Variants in SRGAP1 observed in about 807,000 individuals in gnomAD.
SRGAP1 encodes SLIT-ROBO Rho GTPase-activating protein 1.
In SRGAP1, 43 loss-of-function variants were observed where a neutral mutation model predicts 121.9. That is an observed-to-expected ratio of 0.35 (90% CI 0.28 to 0.46). SRGAP1 has a LOEUF of 0.46. SRGAP1 is among the 20% of genes least tolerant of loss of function. The pLI is 1.00. For synonymous variants in SRGAP1, 447 were observed against 485.4 expected, an observed-to-expected ratio of 0.92 and a Z score of 1.04; for missense variants, 1,102 against 1,350.9, an observed-to-expected ratio of 0.82 and a Z score of 2.89.
chr12:64,000,835 G>T (rs2033870329), intron 3 of SRGAP1, among the ~76,000 whole-genome samples: 1 of 152,160 alleles, frequency 6.6e-6, no homozygotes, highest in Non-Finnish European at 1.5e-5. Context: ...GTTTCTTTGT[G>T]AAGTTAGAAG....
At chr12:63,976,875 TCTC>T (rs760087786) in intron 1 of SRGAP1, among the ~76,000 whole-genome samples, 5 of 152,030 alleles carry the variant, frequency 3.3e-5, no homozygotes, top group Non-Finnish European at 7.4e-5. Flanking sequence ...TGTGACTAGA[TCTC>T]CTACCCATCC....
At chr12:63,867,024 A>G (rs1045852117) in intron 1 of SRGAP1, among the ~76,000 whole-genome samples, 11 of 152,052 alleles carry the variant, frequency 7.2e-5, no homozygotes, top group Admixed American at 2.6e-4. Context: ...GTTCATCACT[A>G]TTCCCAGCTA....
chr12:64,068,484 A>ACG (rs1461391299), intron 8 of SRGAP1, among the ~76,000 whole-genome samples: 9 of 526 alleles, frequency 0.017, no homozygotes, highest in East Asian at 0.056. Flanking sequence ...ACAAGTGTTA[A>ACG]CCACCGTGCC....
intron 1 of SRGAP1, among the ~76,000 whole-genome samples, chr12:63,920,091 G>A (rs567041338): frequency 2.6e-5 from 4 of 152,328 alleles, no homozygotes; most frequent in African/African-American, 7.2e-5. Context: ...GTTTTCCGAA[G>A]GAGCATCACC....
intron 1 of SRGAP1, among the ~76,000 whole-genome samples, chr12:63,975,741 A>G (rs912685357): frequency 1.1e-4 from 16 of 152,172 alleles, no homozygotes; most frequent in African/African-American, 3.9e-4. Context: ...TGTAGCTACA[A>G]ATCAGCTTCT....
At chr12:64,013,231 G>A (rs1369606402) in intron 3 of SRGAP1, among the ~76,000 whole-genome samples, 1 of 152,144 alleles carries the variant, frequency 6.6e-6, no homozygotes, top group Admixed American at 6.5e-5. Context: ...GTAATAAACT[G>A]GAAACATATT....
intron 8 of SRGAP1, among the ~76,000 whole-genome samples, chr12:64,067,690 G>A (rs2035564982): frequency 2.0e-5 from 3 of 152,136 alleles, no homozygotes; most frequent in Admixed American, 2.0e-4. Flanking sequence ...TATATGTCAA[G>A]GTGCTTTGGG....
At chr12:64,004,000 G>T (rs1056575225) in intron 3 of SRGAP1, among the ~76,000 whole-genome samples, 1 of 152,134 alleles carries the variant, frequency 6.6e-6, no homozygotes. Flanking sequence ...AATTCAAATG[G>T]CTGTGAGACT....
In SRGAP1 at chr12:63,844,718, G is replaced by T. The variant is rs1229615955; in HGVS notation, c.-99G>T. On this transcript the variant is annotated 5_prime_UTR_variant, in exon 1 of 22. Coordinates refer to ENST00000355086, the MANE Select transcript of SRGAP1 (RefSeq NM_020762.4). The surrounding 1 kb of genome is among the most constrained non-coding windows in gnomAD (Gnocchi z 4.3). ...CTCGGGTCGGCGCTGCCTCTGGATT[G>T]CCTGCGTGTGGGAGTACAACTCTGC... The T allele has an allele frequency of 8.6e-7, 1 of 1,163,732 alleles. No individual in the cohort carries two copies. Among genetic ancestry groups the T allele is most frequent in the Admixed American group, 1.7e-5 (1 of 59,384 alleles). 72.1% of individuals were successfully genotyped at this position (1,163,732 alleles called of 1,614,324 possible). A position where few individuals can be genotyped will look rare whatever the true frequency, so the allele number is the denominator to read the frequency against.
intron 1 of SRGAP1, among the ~76,000 whole-genome samples, chr12:63,915,495 A>T (rs1169497187): frequency 6.6e-6 from 1 of 152,248 alleles, no homozygotes; most frequent in Non-Finnish European, 1.5e-5. Context: ...GATTGCATTC[A>T]TAGAGAAATA....
chr12:64,009,749 C>T (rs1022249538), intron 3 of SRGAP1, among the ~76,000 whole-genome samples: 9 of 113,756 alleles, frequency 7.9e-5, no homozygotes, highest in Non-Finnish European at 1.5e-4. Context: ...GGAGTTTTGT[C>T]TAAAAAAATC....
In SRGAP1 at chr12:64,111,901, A is replaced by G. The variant is rs2036435409; in HGVS notation, c.2059A>G (p.Ile687Val). The G allele has an allele frequency of 1.1e-5, 17 of 1,614,092 alleles. No individual in the cohort carries two copies. Among genetic ancestry groups the G allele is most frequent in the Non-Finnish European group, 1.4e-5 (17 of 1,179,994 alleles). The change falls in exon 17 of 22, where the codon ATC becomes GTC. Residue 687 changes from isoleucine to valine, a missense_variant. Physicochemically the swap from Ile to Val is conservative, Grantham distance 29. Around this residue, in one of 3 missense-constraint regions of SRGAP1, gnomAD observed 747 missense variants for 929.4 expected, o/e 0.80. Coordinates refer to ENST00000355086, the MANE Select transcript of SRGAP1 (RefSeq NM_020762.4). Reference protein sequence around the residue: ...AHVNEIIKTIIIHHETIFPDA... With the variant: ...AHVNEIIKTIVIHHETIFPDA... The stretch of plus-strand genomic sequence containing the variant: ...TGTGAATGAAATTATCAAAACCATC[A>G]TCATCCACCATGAGACTATTTTCCC...
chr12:63,846,183 T>C (rs1898896131), intron 1 of SRGAP1, among the ~76,000 whole-genome samples: 1 of 152,332 alleles, frequency 6.6e-6, no homozygotes, highest in South Asian at 2.1e-4. Context: ...CTGCTTGGAA[T>C]TGTGATAATT....
chr12:64,014,507 A>G (rs1461834306), intron 3 of SRGAP1, among the ~76,000 whole-genome samples: 1 of 152,160 alleles, frequency 6.6e-6, no homozygotes, highest in Non-Finnish European at 1.5e-5. Context: ...AAAAATAACT[A>G]ATGCATATTA....
intron 1 of SRGAP1, among the ~76,000 whole-genome samples, chr12:63,915,561 A>C (rs937209938): frequency 6.6e-6 from 1 of 152,218 alleles, no homozygotes; most frequent in African/African-American, 2.4e-5. Flanking sequence ...GAATAAAAGC[A>C]GTGATCCACA....
chr12:63,954,426 C>G (rs940646185), intron 1 of SRGAP1, among the ~76,000 whole-genome samples: 3 of 152,156 alleles, frequency 2.0e-5, no homozygotes, highest in Non-Finnish European at 1.5e-5. Context: ...CGCCTGTAAT[C>G]CCAGCACTTT....
intron 1 of SRGAP1, among the ~76,000 whole-genome samples, chr12:63,926,947 T>G (rs550989423): frequency 3.3e-4 from 51 of 152,296 alleles, no homozygotes; most frequent in African/African-American, 1.2e-3. Flanking sequence ...TTATTCCATT[T>G]GTCATATTAT....
intron 4 of SRGAP1, among the ~76,000 whole-genome samples, chr12:64,035,625 T>C (rs890994308): frequency 1.3e-5 from 2 of 152,194 alleles, no homozygotes; most frequent in African/African-American, 4.8e-5. Context: ...GCCAAAAGCA[T>C]TTCCAAAGTG....
Position 64,036,540 on chromosome 12 carries a change from T to C in SRGAP1, c.490-6250T>C, listed in dbSNP as rs1423867463. On this transcript the variant is annotated intron_variant, in intron 4 of 21. Transcript: ENST00000355086. ...GGATTTAGTGAAGCAGCAGGCTATATAGAGTTAGGAAATATTGTCACTAAC... is the reference window on the plus strand; with the variant it reads ...GGATTTAGTGAAGCAGCAGGCTATACAGAGTTAGGAAATATTGTCACTAAC... Among the ~76,000 whole-genome samples, 7 of 152,298 alleles carry C rather than the reference T, an allele frequency of 4.6e-5. No individual in the cohort carries two copies. The East Asian group carries it at 1.4e-3, about 29-fold the overall frequency.
Sources: allele counts gnomAD v4.1 joint callset (sites outside exome capture counted in the v4.1 genomes callset), GRCh38; gene constraint gnomAD v4.1.1; regional missense constraint gnomAD v4.1.1; non-coding constraint Gnocchi (gnomAD v3.1); transcripts MANE v1.5; gene names NCBI Gene and HGNC (gene_info 2026-07-23, HGNC 2026-07-21).